ALK: variants seen among roughly 807,000 people sequenced by gnomAD.
The protein encoded by ALK is ALK tyrosine kinase receptor.
Under a neutral mutation model 163.1 loss-of-function variants are expected in ALK, and 74 were observed. That is an observed-to-expected ratio of 0.45 (90% CI 0.38 to 0.55). The LOEUF (loss-of-function observed/expected upper bound fraction) is 0.55. ALK is among the 20% of genes least tolerant of loss of function. The pLI, the probability that ALK is intolerant of heterozygous loss-of-function variation, is 0.00. For missense variants in ALK, 2,063 were observed against 2,105.3 expected (o/e 0.98, Z 0.39); for synonymous variants, 960 against 843.2 (o/e 1.14, Z -2.40).
At chr2:29,430,952 T>G (rs749841791) in intron 4 of ALK, among the ~76,000 whole-genome samples, 1 of 151,296 alleles carries the variant, frequency 6.6e-6, no homozygotes, top group Admixed American at 6.6e-5. Flanking sequence ...TGGGCTGAAA[T>G]GCAAGGTGAG....
intron 1 of ALK, among the ~76,000 whole-genome samples, chr2:29,831,278 G>GAAGAAGAAGAAGAAA (rs1665410898): frequency 8.7e-6 from 1 of 114,356 alleles, no homozygotes; most frequent in Non-Finnish European, 1.9e-5. Context: ...AGAAGAAGAA[G>GAAGAAGAAGAAGAAA]AAGAAGAAGA....
At chr2:29,379,773 T>A (rs1668849574) in intron 5 of ALK, among the ~76,000 whole-genome samples, 1 of 152,202 alleles carries the variant, frequency 6.6e-6, no homozygotes, top group South Asian at 2.1e-4. Flanking sequence ...GGGAGACCAG[T>A]TGGCTGCTGC....
chr2:29,305,804 T>C (rs891607411), intron 8 of ALK, among the ~76,000 whole-genome samples: 1 of 151,622 alleles, frequency 6.6e-6, no homozygotes, highest in Non-Finnish European at 1.5e-5. Flanking sequence ...TTCAGGATGA[T>C]TCAAGCACAT....
At chr2:29,639,022 T>C (rs1352855516) in intron 3 of ALK, among the ~76,000 whole-genome samples, 1 of 152,168 alleles carries the variant, frequency 6.6e-6, no homozygotes, top group Non-Finnish European at 1.5e-5. Context: ...ACAGCAATAC[T>C]GGGCACGTAA....
chr2:29,404,279 G>C (rs1225687960), intron 4 of ALK, among the ~76,000 whole-genome samples: 1 of 145,420 alleles, frequency 6.9e-6, no homozygotes, highest in Non-Finnish European at 1.5e-5. Context: ...ACTCCAGCCT[G>C]CGTGACCCAC....
chr2:29,318,040 T>C (rs1666885400), intron 8 of ALK, among the ~76,000 whole-genome samples: 1 of 152,258 alleles, frequency 6.6e-6, no homozygotes, highest in Admixed American at 6.5e-5. Flanking sequence ...ATGGAAAATC[T>C]CTTCTGGGTT....
At chr2:29,254,823 A>T (rs535168643) in intron 11 of ALK, among the ~76,000 whole-genome samples, 2 of 152,342 alleles carry the variant, frequency 1.3e-5, no homozygotes, top group South Asian at 4.1e-4. Flanking sequence ...CTCAAAATTT[A>T]TGTCCTCCAT....
At chr2:29,911,747 TC>T (rs1667708397) in intron 1 of ALK, among the ~76,000 whole-genome samples, 1 of 152,050 alleles carries the variant, frequency 6.6e-6, no homozygotes, top group Non-Finnish European at 1.5e-5. Context: ...CAGGATACAA[TC>T]TCAAATTACT....
At chr2:29,257,401 G>A (rs1664976797) in intron 11 of ALK, among the ~76,000 whole-genome samples, 1 of 151,874 alleles carries the variant, frequency 6.6e-6, no homozygotes, top group Admixed American at 6.6e-5. Context: ...TTAAGCACTG[G>A]GTTTCATTTT....
intron 1 of ALK, among the ~76,000 whole-genome samples, chr2:29,845,958 T>C (rs1288607352): frequency 2.6e-5 from 4 of 152,240 alleles, no homozygotes; most frequent in Non-Finnish European, 5.9e-5. Context: ...CCAAGGTTCA[T>C]ACTAAATCCT....
At chr2:29,679,467 G>T (rs184906872) in intron 3 of ALK, among the ~76,000 whole-genome samples, 2 of 144,978 alleles carry the variant, frequency 1.4e-5, no homozygotes, top group Admixed American at 6.8e-5. Flanking sequence ...TTTTCTCTCT[G>T]TTTCTTTCTC....
chr2:29,587,083 C>T (rs1226030165), intron 3 of ALK, among the ~76,000 whole-genome samples: 1 of 152,128 alleles, frequency 6.6e-6, no homozygotes, highest in Non-Finnish European at 1.5e-5. Flanking sequence ...TAGCCTAGGG[C>T]CTTTCTCTTG....
At chr2:29,896,248 T>G (rs1195940256) in intron 1 of ALK, among the ~76,000 whole-genome samples, 1 of 152,076 alleles carries the variant, frequency 6.6e-6, no homozygotes, top group Non-Finnish European at 1.5e-5. Flanking sequence ...GAAGAACATT[T>G]GCCAAGATGA....
intron 3 of ALK, among the ~76,000 whole-genome samples, chr2:29,655,777 AATAAAGT>A: frequency 6.6e-6 from 1 of 152,356 alleles, no homozygotes; most frequent in East Asian, 1.9e-4. Context: ...GAAAATGGAA[AATAAAGT>A]ATAAAGATGT....
At chr2:29,535,569 G>A (rs1389992359) in intron 3 of ALK, among the ~76,000 whole-genome samples, 2 of 152,150 alleles carry the variant, frequency 1.3e-5, no homozygotes, top group Admixed American at 6.5e-5. Context: ...GAATCAAGTA[G>A]GCAGTACTGT....
In ALK at chr2:29,647,118, G is replaced by A. The variant is rs1259845493; in HGVS notation, c.952+47732C>T. Among the ~76,000 whole-genome samples the A allele has an allele frequency of 3.9e-5, 6 of 152,246 alleles. 1 individual carries two copies. In the East Asian group the frequency reaches 7.7e-4, roughly 20 times the overall value. On this transcript the variant is annotated intron_variant, in intron 3 of 28. Transcript: ENST00000389048. Reference sequence around the variant, plus strand: ...TTCTTCCAGTTTCACATTCTTCTGGGCTTGGCAAAATCAGTTTTGAATACA... The same window carrying A: ...TTCTTCCAGTTTCACATTCTTCTGGACTTGGCAAAATCAGTTTTGAATACA...
At chr2:29,837,215 C>G (rs911627692) in intron 1 of ALK, among the ~76,000 whole-genome samples, 19 of 152,136 alleles carry the variant, frequency 1.2e-4, no homozygotes, top group Admixed American at 3.3e-4. Flanking sequence ...GAATTGACCT[C>G]ATTTTCTATC....
At chr2:29,369,252 G>T (rs1480461834) in intron 5 of ALK, among the ~76,000 whole-genome samples, 1 of 151,938 alleles carries the variant, frequency 6.6e-6, no homozygotes, top group African/African-American at 2.4e-5. Context: ...TCCTCTTTAG[G>T]ATCACCACAT....
intron 4 of ALK, among the ~76,000 whole-genome samples, chr2:29,469,594 C>T (rs1191374412): frequency 1.3e-5 from 2 of 152,162 alleles, no homozygotes; most frequent in Non-Finnish European, 2.9e-5. Context: ...TTAATGGCAC[C>T]ATCCCCCTCC....
Sources: allele counts gnomAD v4.1 joint callset (sites outside exome capture counted in the v4.1 genomes callset), GRCh38; gene constraint gnomAD v4.1.1; transcripts MANE v1.5; gene names NCBI Gene and HGNC (gene_info 2026-07-23, HGNC 2026-07-21).